The following PCDH9 variants were observed in gnomAD, a reference collection of about 807,000 sequenced individuals.
The protein encoded by PCDH9 is protocadherin 9, also known as protocadherin-9.
A neutral mutation model predicts 70.6 loss-of-function variants in PCDH9; 24 were observed. The observed-to-expected ratio is 0.34, with a 90% CI of 0.25 to 0.48. The LOEUF (loss-of-function observed/expected upper bound fraction) is 0.48. PCDH9 is among the 20% of genes least tolerant of loss of function. PCDH9 has a pLI of 0.99. For synonymous variants in PCDH9, 562 were observed against 558.5 expected, an observed-to-expected ratio of 1.01 and a Z score of -0.09; for missense variants, 1,281 against 1,503.6, an observed-to-expected ratio of 0.85 and a Z score of 2.45.
At chr13:66,626,626 A>G (rs1319313469) in intron 4 of PCDH9, among the ~76,000 whole-genome samples, 1 of 152,198 alleles carries the variant, frequency 6.6e-6, no homozygotes, top group East Asian at 1.9e-4. Context: ...TACCAATGCA[A>G]TAGGAATTAG....
chr13:66,449,586 A>G (rs1176092329), intron 4 of PCDH9, among the ~76,000 whole-genome samples: 1 of 152,180 alleles, frequency 6.6e-6, no homozygotes, highest in Non-Finnish European at 1.5e-5. Flanking sequence ...GAGTGTTCAG[A>G]AAATCCTATC....
In PCDH9 at chr13:66,442,746, G is replaced by C. The variant is rs117728655; in HGVS notation, c.3341-137718C>G. Among the ~76,000 whole-genome samples, 637 of 152,058 alleles carry C rather than the reference G, an allele frequency of 4.2e-3. 22 individuals carry two copies. In the East Asian group the frequency reaches 0.082, roughly 19 times the overall value. On this transcript the variant is annotated intron_variant, in intron 4 of 4. Transcript: ENST00000377865. ...ATGGGGACAGTACGAATTTAGTGAT[G>C]AAGGATGAATTTGGTTATGAAACCA... is the stretch of plus-strand genomic sequence containing the variant.
chr13:66,818,060 T>C (rs1222942051), intron 3 of PCDH9, among the ~76,000 whole-genome samples: 1 of 152,194 alleles, frequency 6.6e-6, no homozygotes, highest in Non-Finnish European at 1.5e-5. Flanking sequence ...ATATACAGAC[T>C]TTCCCCTCAA....
chr13:66,672,112 C>T (rs2078183413), intron 3 of PCDH9, among the ~76,000 whole-genome samples: 1 of 152,172 alleles, frequency 6.6e-6, no homozygotes, highest in African/African-American at 2.4e-5. Flanking sequence ...CCCTTTGTCC[C>T]AGCCATGGCT....
At chr13:66,760,300 A>C (rs2079603860) in intron 3 of PCDH9, among the ~76,000 whole-genome samples, 1 of 151,962 alleles carries the variant, frequency 6.6e-6, no homozygotes, top group Non-Finnish European at 1.5e-5. Flanking sequence ...TTATCTTTGA[A>C]AGTTTTTGAT....
At chr13:66,527,491 C>T (rs1355537747) in intron 4 of PCDH9, among the ~76,000 whole-genome samples, 1 of 152,048 alleles carries the variant, frequency 6.6e-6, no homozygotes, top group Non-Finnish European at 1.5e-5. Context: ...CATTAAGGTC[C>T]TTACATGAAC....
intron 3 of PCDH9, among the ~76,000 whole-genome samples, chr13:66,808,427 T>C (rs2080445145): frequency 6.6e-6 from 1 of 152,170 alleles, no homozygotes; most frequent in Non-Finnish European, 1.5e-5. Context: ...ATATATATTT[T>C]TTACATTTAC....
At chr13:66,746,048 C>A (rs1360664641) in intron 3 of PCDH9, among the ~76,000 whole-genome samples, 1 of 152,164 alleles carries the variant, frequency 6.6e-6, no homozygotes, top group Admixed American at 6.6e-5. Context: ...CACTTCCCCC[C>A]ATAGACATAT....
At chr13:66,812,293 C>T (rs373949318) in intron 3 of PCDH9, among the ~76,000 whole-genome samples, 32 of 151,938 alleles carry the variant, frequency 2.1e-4, no homozygotes, top group Middle Eastern at 6.8e-3. Flanking sequence ...CATTACCATA[C>T]AATAAATTGT....
chr13:66,720,587 A>G (rs1022525137), intron 3 of PCDH9, among the ~76,000 whole-genome samples: 2 of 152,016 alleles, frequency 1.3e-5, no homozygotes, highest in Admixed American at 1.3e-4. Context: ...TTCTAAGACC[A>G]CTAAAATCCT....
chr13:66,621,879 C>T (rs1435793444), intron 4 of PCDH9, among the ~76,000 whole-genome samples: 1 of 152,266 alleles, frequency 6.6e-6, no homozygotes, highest in African/African-American at 2.4e-5. Context: ...CACCACTGCA[C>T]TGTGGGAGCC....
intron 3 of PCDH9, among the ~76,000 whole-genome samples, chr13:66,747,769 T>G (rs1302085299): frequency 6.6e-6 from 1 of 152,196 alleles, no homozygotes; most frequent in Non-Finnish European, 1.5e-5. Flanking sequence ...ATAAATTCAC[T>G]GAAGCACACA....
chr13:67,116,913 C>T (rs903252301), intron 2 of PCDH9, among the ~76,000 whole-genome samples: 2 of 152,136 alleles, frequency 1.3e-5, no homozygotes, highest in Non-Finnish European at 2.9e-5. Context: ...TGTTGTCTCT[C>T]AGGGAATTTC....
intron 4 of PCDH9, among the ~76,000 whole-genome samples, chr13:66,485,894 T>C (rs1039218973): frequency 2.0e-5 from 3 of 151,606 alleles, no homozygotes; most frequent in African/African-American, 7.3e-5. Context: ...GTCTGGCTAA[T>C]TTTTGTATTT....
chr13:67,205,288 C>T (rs1000779633), intron 2 of PCDH9: 1 of 152,118 alleles, frequency 6.6e-6, no homozygotes, highest in Non-Finnish European at 1.5e-5. Context: ...AGTCCCTTCC[C>T]AATTTCTCAT....
rs557854070 is a variant in PCDH9, at chr13:66,472,528, C to T, written c.3340+158682G>A. Among the ~76,000 whole-genome samples, 11 of 152,224 alleles carry T rather than the reference C, an allele frequency of 7.2e-5. 3 individuals are homozygous for T. Among genetic ancestry groups the T allele is most frequent in the African/African-American group, 2.6e-4 (11 of 41,544 alleles). On this transcript the variant is annotated intron_variant, in intron 4 of 4. Transcript: ENST00000377865. ...AGGTTCACAGTGAGCCATGTTCATA[C>T]CACTGCACCTAAGCCTGGGTGACAG...
chr13:66,569,790 G>T (rs2076706873), intron 4 of PCDH9, among the ~76,000 whole-genome samples: 1 of 152,064 alleles, frequency 6.6e-6, no homozygotes, highest in African/African-American at 2.4e-5. Context: ...AGGAAGACAG[G>T]CTGGATCACT....
At chr13:66,490,701 T>C (rs1030406407) in intron 4 of PCDH9, among the ~76,000 whole-genome samples, 10 of 152,146 alleles carry the variant, frequency 6.6e-5, no homozygotes, top group African/African-American at 2.4e-4. Flanking sequence ...AATCTATAGC[T>C]TGCTGAACTA....
intron 3 of PCDH9, among the ~76,000 whole-genome samples, chr13:66,800,242 G>T (rs1012533328): frequency 1.3e-5 from 2 of 151,784 alleles, no homozygotes; most frequent in African/African-American, 2.4e-5. Context: ...CTCACCCCCA[G>T]CCCGGGATCT....
Sources: allele counts gnomAD v4.1 joint callset (sites outside exome capture counted in the v4.1 genomes callset), GRCh38; gene constraint gnomAD v4.1.1; transcripts MANE v1.5; gene names NCBI Gene and HGNC (gene_info 2026-07-23, HGNC 2026-07-21).